The following PHF20L1 variants were observed in gnomAD, a reference collection of about 807,000 sequenced individuals.
The protein encoded by PHF20L1 is PHD finger protein 20-like protein 1.
PHF20L1 carries 44 observed loss-of-function variants against 125.5 expected under a neutral mutation model. The observed-to-expected ratio is 0.35, with a 90% CI of 0.28 to 0.45. PHF20L1 has a LOEUF of 0.45. Ranked by LOEUF, PHF20L1 falls within the 20% of genes least tolerant of loss-of-function variation. PHF20L1 has a pLI of 1.00. For synonymous variants in PHF20L1, 380 were observed against 403.1 expected, an observed-to-expected ratio of 0.94 and a Z score of 0.69; for missense variants, 1,012 against 1,217.2, an observed-to-expected ratio of 0.83 and a Z score of 2.51.
At chr8:132,813,471 G>A (rs529558729) in intron 9 of PHF20L1, among the ~76,000 whole-genome samples, 1 of 151,868 alleles carries the variant, frequency 6.6e-6, no homozygotes, top group South Asian at 2.1e-4. Flanking sequence ...TATCTCAGTG[G>A]GAACAGAATT....
chr8:132,811,166 C>A, intron 9 of PHF20L1, 38 bp downstream of exon 9: 1 of 1,609,546 alleles, frequency 6.2e-7, no homozygotes, highest in South Asian at 1.1e-5. Context: ...TCAAGGTTCC[C>A]ACTGGAATGA....
intron 2 of PHF20L1, 39 bp from the exon 3 acceptor site, chr8:132,794,368 TATA>T: frequency 7.9e-7 from 1 of 1,265,388 alleles, no homozygotes; most frequent in Non-Finnish European, 1.1e-6. Flanking sequence ...TATAAACAAA[TATA>T]AGGATTTTCT....
Position 132,799,102 on chromosome 8 carries a change from C to A in PHF20L1, c.437C>A (p.Ser146Tyr), listed in dbSNP as rs1363767297. 1.2e-6 allele frequency: 2 copies of A among 1,609,406 alleles called. No homozygotes were observed. The highest frequency in any genetic ancestry group is 4.5e-5 in the East Asian group (2 of 44,794). ...MPEDAKGQVK[S>Y]QHPLSWCCPI... Reference sequence around the variant, plus strand: ...CACTAGTTTCTGTTCCAGGTGAAATCCCAGCATCCACTAAGCTGGTGTTGT... The same window carrying A: ...CACTAGTTTCTGTTCCAGGTGAAATACCAGCATCCACTAAGCTGGTGTTGT... Residue 146 changes from serine (S) to tyrosine (Y), a missense_variant, in exon 6 of 21, where the codon TCC (serine) becomes TAC (tyrosine). Transcript: ENST00000395386.
intron 10 of PHF20L1, chr8:132,816,182 A>G (rs1254852557): frequency 6.6e-6 from 1 of 151,916 alleles, no homozygotes; most frequent in Non-Finnish European, 1.5e-5. Context: ...AAAGTGTGAG[A>G]GACATTTCCA....
chr8:132,834,430 C>T (rs2131863056), intron 15 of PHF20L1, among the ~76,000 whole-genome samples: 1 of 152,136 alleles, frequency 6.6e-6, no homozygotes, highest in Non-Finnish European at 1.5e-5. Context: ...AACTCCTTGG[C>T]TCAAGCAATC....
chr8:132,840,165 CA>C (rs2131918123), intron 18 of PHF20L1, among the ~76,000 whole-genome samples: 1 of 152,170 alleles, frequency 6.6e-6, no homozygotes, highest in South Asian at 2.1e-4. Context: ...AACAAACAAA[CA>C]AAAACCCACA....
At chr8:132,844,507 G>A (rs1838245573) in intron 20 of PHF20L1, among the ~76,000 whole-genome samples, 189 bp downstream of exon 20, 1 of 151,998 alleles carries the variant, frequency 6.6e-6, no homozygotes, top group South Asian at 2.1e-4. Flanking sequence ...ATGTGACCGG[G>A]TATGACCTTA....
At chr8:132,799,447 A>G in intron 6 of PHF20L1, 1 of 244,098 alleles carries the variant, frequency 4.1e-6, no homozygotes, top group Non-Finnish European at 7.7e-6. Context: ...TGGAAGGAGA[A>G]TCTTGGGTGG....
In PHF20L1 at chr8:132,798,857, G is replaced by A. The variant is rs1832709466; in HGVS notation, c.426G>A (p.Gly142=). The A allele has an allele frequency of 1.3e-6, 2 of 1,599,496 alleles. No individual in the cohort carries two copies. The highest frequency in any genetic ancestry group is 1.7e-5 in the Admixed American group (1 of 59,506). ...HIKAMPEDAK[G]QVKSQHPLSW... is the part of the protein sequence containing the mutation. ...AAGCCATGCCCGAGGATGCTAAGGG[G>A]CAGGTAAGAGTGTTCAGTATTCCTA... The change falls in exon 5 of 21, where the codon GGG becomes GGA. Residue 142 remains glycine (G), a synonymous_variant. Coordinates refer to ENST00000395386, the MANE Select transcript of PHF20L1 (RefSeq NM_016018.5).
intron 12 of PHF20L1, chr8:132,818,687 G>T (rs879679511): frequency 6.6e-6 from 1 of 151,596 alleles, no homozygotes; most frequent in Non-Finnish European, 1.5e-5. Flanking sequence ...TTGACTCTTG[G>T]TCTTTCCTTA....
intron 19 of PHF20L1, 38 bp from the exon 20 acceptor site, chr8:132,844,118 G>T: frequency 6.2e-7 from 1 of 1,608,482 alleles, no homozygotes; most frequent in African/African-American, 1.3e-5. Flanking sequence ...ATTTCATCCC[G>T]TTCTTTGTGT....
rs1439699040 is a variant in PHF20L1, at chr8:132,775,552, G to A, written c.-131G>A. On this transcript the variant is annotated 5_prime_UTR_variant, in exon 1 of 21. Coordinates refer to ENST00000395386, the MANE Select transcript of PHF20L1 (RefSeq NM_016018.5). ...CTCCCTCCCCGGCCGCTGCCTGGGC[G>A]GAGGCAGAGGCAGAGGCCCGGGCTG... 2.7e-6 allele frequency: 1 copy of A among 365,980 alleles called. No individual in the cohort carries two copies. Among genetic ancestry groups the A allele is most frequent in the Non-Finnish European group, 4.9e-6 (1 of 204,852 alleles). The allele number at this position is 365,980 out of a possible 1,614,324, so 22.7% of individuals were successfully genotyped here.
At chr8:132,815,448 ATATC>A (rs1160904297) in intron 10 of PHF20L1, 1 of 151,874 alleles carries the variant, frequency 6.6e-6, no homozygotes, top group East Asian at 1.9e-4. Flanking sequence ...TCACATGGGT[ATATC>A]TATCTATCTC....
At chr8:132,808,254 T>C (rs1167670442) in intron 8 of PHF20L1, 1 of 152,390 alleles carries the variant, frequency 6.6e-6, no homozygotes, top group Non-Finnish European at 1.5e-5. Flanking sequence ...CTCATTACTT[T>C]TTATGAACAC....
At chr8:132,834,999 GAT>G (rs2131868184) in intron 15 of PHF20L1, among the ~76,000 whole-genome samples, 2 of 152,184 alleles carry the variant, frequency 1.3e-5, no homozygotes, top group South Asian at 4.1e-4. Context: ...ATTAGAAGCT[GAT>G]AGAGGAAACA....
intron 12 of PHF20L1, chr8:132,818,840 TAA>T (rs1201128808): frequency 6.6e-6 from 1 of 151,930 alleles, no homozygotes; most frequent in African/African-American, 2.4e-5. Flanking sequence ...AAAAATATGT[TAA>T]AGTTATAAGG....
intron 12 of PHF20L1, among the ~76,000 whole-genome samples, chr8:132,821,765 T>C (rs561561735): frequency 2.4e-3 from 372 of 152,106 alleles, no homozygotes; most frequent in Non-Finnish European, 4.0e-3. Context: ...GATCTGCCTC[T>C]CTGACTCTAA....
intron 8 of PHF20L1, chr8:132,809,820 T>C (rs950516353): frequency 6.6e-6 from 1 of 152,094 alleles, no homozygotes; most frequent in Non-Finnish European, 1.5e-5. Flanking sequence ...AAACTGGGGT[T>C]CACTGAAGGT....
intron 2 of PHF20L1, among the ~76,000 whole-genome samples, chr8:132,778,216 G>A (rs1830043535): frequency 6.6e-6 from 1 of 152,118 alleles, no homozygotes; most frequent in Non-Finnish European, 1.5e-5. Flanking sequence ...GAGCTGTATT[G>A]GTGGAAGTAG....
Sources: gnomAD v4.1 joint callset for allele counts (sites outside exome capture counted in the v4.1 genomes callset) on GRCh38, gnomAD v4.1.1 for gene constraint, MANE v1.5 for transcripts, NCBI Gene and HGNC (gene_info 2026-07-23, HGNC 2026-07-21) for gene names.